DENND5A: variants seen among roughly 807,000 people sequenced by gnomAD.
DENND5A encodes DENN domain-containing protein 5A.
In DENND5A, 64 loss-of-function variants were observed where a neutral mutation model predicts 140.3. The ratio of observed to expected loss-of-function variants is 0.46; its 90% CI spans 0.37 to 0.56. The LOEUF (loss-of-function observed/expected upper bound fraction) is 0.56, where lower values mean the gene tolerates loss of function less well. Ranked by LOEUF, DENND5A falls within the 20% of genes least tolerant of loss-of-function variation. The probability of loss-of-function intolerance (pLI) is 0.00; values close to 1 mark genes in which losing one functional copy is unlikely to be tolerated. For synonymous variants in DENND5A, 605 were observed against 607.7 expected (o/e 1.00, Z 0.07); for missense variants, 1,292 against 1,593.8 (o/e 0.81, Z 3.22).
chr11:9,143,415 C>A lies in DENND5A; in HGVS notation c.3375G>T (p.Lys1125Asn), dbSNP rs773469813. The change falls in exon 20 of 23, where the codon AAG (lysine) becomes AAT (asparagine). Residue 1125 changes from lysine to asparagine, a missense_variant. Physicochemically the swap from Lys to Asn is moderately conservative, Grantham distance 94. Coordinates refer to ENST00000328194, the MANE Select transcript of DENND5A (RefSeq NM_015213.4). ...CAGGAAGGCTCACCTCTTTCTCAGG[C>A]TTATGGAAGTGCTTCACAATGCCAT... ...AVNGIVKHFH[K>N]PEKERGSLTL... 6.2e-7 allele frequency: 1 copy of A among 1,614,064 alleles called. No homozygotes were observed. The highest frequency in any genetic ancestry group is 1.1e-5 in the South Asian group (1 of 91,090).
chr11:9,233,053 T>C (rs1355449654), intron 1 of DENND5A, among the ~76,000 whole-genome samples: 1 of 152,128 alleles, frequency 6.6e-6, no homozygotes, highest in Admixed American at 6.5e-5. Flanking sequence ...TTACCTGTGG[T>C]GAGTGGGAAG....
intron 5 of DENND5A, among the ~76,000 whole-genome samples, chr11:9,189,355 G>A (rs528772706): frequency 3.0e-4 from 46 of 152,316 alleles, no homozygotes; most frequent in Admixed American, 5.2e-4. Flanking sequence ...AGAGTAGTGC[G>A]GAAGGGAAAT....
Position 9,195,621 on chromosome 11 carries a change from G to A in DENND5A, c.950-1940C>T, listed in dbSNP as rs564598916. Reference sequence around the variant, plus strand: ...AGTAACAAAAAACTTTCTAGGAAATGAGGAAGTCTCAGTACAAAGGGAACA... The same window carrying A: ...AGTAACAAAAAACTTTCTAGGAAATAAGGAAGTCTCAGTACAAAGGGAACA... On this transcript the variant is annotated intron_variant, in intron 4 of 22. Coordinates refer to ENST00000328194, the MANE Select transcript of DENND5A (RefSeq NM_015213.4). Among the ~76,000 whole-genome samples the A allele has an allele frequency of 2.6e-5, 4 of 152,302 alleles. No homozygotes were observed. In the East Asian group the frequency reaches 7.7e-4, roughly 29 times the overall value.
rs1353370025 is a variant in DENND5A at position 9,204,301 on chromosome 11, C to G, written c.308G>C (p.Gly103Ala). The G allele has an allele frequency of 2.5e-6, 4 of 1,610,996 alleles. No individual in the cohort carries two copies. Among genetic ancestry groups the G allele is most frequent in the Non-Finnish European group, 3.4e-6 (4 of 1,179,830 alleles). Residue 103 changes from glycine (G) to alanine (A), a missense_variant, in exon 4 of 23, where the codon GGG becomes GCG. Physicochemically the swap from Gly to Ala is moderately conservative, Grantham distance 60. This residue lies in a region of DENND5A where 566 missense variants were observed against 650.4 expected (regional missense o/e 0.87). Coordinates refer to ENST00000328194, the MANE Select transcript of DENND5A (RefSeq NM_015213.4). ...DAVGMLCMPKGLAFKTQADPR... is the reference protein window; with the variant it reads ...DAVGMLCMPKALAFKTQADPR... Reference sequence around the variant, plus strand: ...ATCAGCCTGGGTCTTGAATGCCAGCCCTTTCGGCATACATAGCTGCAAAAG... The same window carrying G: ...ATCAGCCTGGGTCTTGAATGCCAGCGCTTTCGGCATACATAGCTGCAAAAG...
chr11:9,211,324 C>T (rs2136221966), intron 1 of DENND5A, among the ~76,000 whole-genome samples: 1 of 152,178 alleles, frequency 6.6e-6, no homozygotes, highest in South Asian at 2.1e-4. Context: ...AACACGCATG[C>T]ATGGAGAAGA....
At chr11:9,151,410 C>T (rs1847611150) in intron 13 of DENND5A, among the ~76,000 whole-genome samples, 1 of 152,140 alleles carries the variant, frequency 6.6e-6, no homozygotes, top group Admixed American at 6.5e-5. Flanking sequence ...TTAATAAGAA[C>T]CTGCTTTTAC....
At chr11:9,144,965 C>T (rs759098543) in intron 18 of DENND5A, 30 bp downstream of exon 18, 8 of 1,506,586 alleles carry the variant, frequency 5.3e-6, no homozygotes, top group Non-Finnish European at 7.4e-6. Flanking sequence ...CACCTTGCCC[C>T]TCTACCTTAC....
At chr11:9,199,743 G>A (rs1849463005) in intron 4 of DENND5A, among the ~76,000 whole-genome samples, 1 of 152,176 alleles carries the variant, frequency 6.6e-6, no homozygotes, top group Admixed American at 6.5e-5. Flanking sequence ...GGCAGGACAT[G>A]CAGCAGGCAA....
At chr11:9,149,464 T>C (rs1287269032) in intron 15 of DENND5A, among the ~76,000 whole-genome samples, 1 of 152,146 alleles carries the variant, frequency 6.6e-6, no homozygotes, top group Non-Finnish European at 1.5e-5. Flanking sequence ...CAACACATCA[T>C]GGTGAAAAGG....
In DENND5A at chr11:9,150,717, T is replaced by A. The variant is rs774514548; in HGVS notation, c.2569A>T (p.Met857Leu). The change falls in exon 14 of 23, where the codon ATG becomes TTG. Residue 857 changes from methionine (M) to leucine (L), a missense_variant. Physicochemically the swap from Met to Leu is conservative, Grantham distance 15. Coordinates refer to ENST00000328194, the MANE Select transcript of DENND5A (RefSeq NM_015213.4). Reference protein sequence around the residue: ...ERRKSDASSLMPPLRISLIQD... With the variant: ...ERRKSDASSLLPPLRISLIQD... ...ATCAGGGAGATCCTCAGGGGAGGCATGAGTGAGCTGGCATCAGACTTCCTA... is the reference window on the plus strand; with the variant it reads ...ATCAGGGAGATCCTCAGGGGAGGCAAGAGTGAGCTGGCATCAGACTTCCTA... 6.2e-7 allele frequency: 1 copy of A among 1,613,592 alleles called. No individual in the cohort carries two copies.
rs1450345495 is a variant in DENND5A at position 9,144,264 on chromosome 11, C to CT, written c.3136_3137insA (p.Arg1046GlnfsTer9). On this transcript the variant is annotated frameshift_variant, in exon 19 of 23. Coordinates refer to ENST00000328194, the MANE Select transcript of DENND5A (RefSeq NM_015213.4). LOFTEE classifies it high-confidence loss of function. ...ATCATCCATGCCCTTCCCTAACCAC[C>CT]GGCCACACGGGAACCTGAAGATCAG... The CT allele has an allele frequency of 6.2e-7, 1 of 1,614,024 alleles. No homozygotes were observed.
At chr11:9,170,358 G>T in intron 9 of DENND5A, 1 of 885,186 alleles carries the variant, frequency 1.1e-6, no homozygotes, top group Non-Finnish European at 1.4e-6. Flanking sequence ...ATGGGATCCA[G>T]GCATGAGATG....
intron 1 of DENND5A, among the ~76,000 whole-genome samples, chr11:9,215,419 C>G (rs1850049388): frequency 6.6e-6 from 1 of 152,164 alleles, no homozygotes; most frequent in African/African-American, 2.4e-5. Flanking sequence ...TTAGCCCAGC[C>G]GAATGCCCTG....
intron 1 of DENND5A, among the ~76,000 whole-genome samples, chr11:9,238,294 C>A (rs562891363): frequency 3.6e-4 from 55 of 152,178 alleles, no homozygotes; most frequent in African/African-American, 1.1e-3. Flanking sequence ...TATACACATA[C>A]ACCTACACAT....
intron 5 of DENND5A, among the ~76,000 whole-genome samples, chr11:9,191,842 G>A (rs1297110287): frequency 6.6e-6 from 1 of 152,142 alleles, no homozygotes; most frequent in East Asian, 1.9e-4. Context: ...TGACTTTACA[G>A]AATCATAATT....
Position 9,236,529 on chromosome 11 carries a change from C to T in DENND5A, c.109+28432G>A, listed in dbSNP as rs559386898. ...CCTGGGCGACAAGAGCAAAACACCACCTCAAAAAAAGAAAGAAAAAAAAAA... is the reference window on the plus strand; with the variant it reads ...CCTGGGCGACAAGAGCAAAACACCATCTCAAAAAAAGAAAGAAAAAAAAAA... On this transcript the variant is annotated intron_variant, in intron 1 of 22. Coordinates refer to ENST00000328194, the MANE Select transcript of DENND5A (RefSeq NM_015213.4). Among the ~76,000 whole-genome samples the T allele has an allele frequency of 2.6e-5, 4 of 151,060 alleles. No individual in the cohort carries two copies. The South Asian group carries it at 8.3e-4, about 32-fold the overall frequency.
intron 1 of DENND5A, among the ~76,000 whole-genome samples, chr11:9,225,790 C>CATAT (rs1484122826): frequency 6.6e-6 from 1 of 150,572 alleles, no homozygotes; most frequent in Non-Finnish European, 1.5e-5. Flanking sequence ...ATAATAATAA[C>CATAT]AATAATAGTT....
chr11:9,254,985 C>A (rs530502006), intron 1 of DENND5A, among the ~76,000 whole-genome samples: 1 of 152,090 alleles, frequency 6.6e-6, no homozygotes, highest in South Asian at 2.1e-4. Flanking sequence ...GCATGAGAAT[C>A]GCTTGAACCC....
At chr11:9,248,537 C>T (rs1246652400) in intron 1 of DENND5A, among the ~76,000 whole-genome samples, 1 of 151,846 alleles carries the variant, frequency 6.6e-6, no homozygotes, top group African/African-American at 2.4e-5. Context: ...TGTCTGTGGT[C>T]GCAGCTACTC....
Sources: gnomAD v4.1 joint callset for allele counts (sites outside exome capture counted in the v4.1 genomes callset) on GRCh38, gnomAD v4.1.1 for gene constraint, gnomAD v4.1.1 regional missense constraint, MANE v1.5 for transcripts, NCBI Gene and HGNC (gene_info 2026-07-23, HGNC 2026-07-21) for gene names.